PDE12: variants seen among roughly 807,000 people sequenced by gnomAD.
PDE12 encodes the protein 2',5'-phosphodiesterase 12.
A neutral mutation model predicts 45.4 loss-of-function variants in PDE12; 26 were observed. That is an observed-to-expected ratio of 0.57 (90% CI 0.42 to 0.79). PDE12 has a LOEUF of 0.79. PDE12 is among the 30% of genes least tolerant of loss of function. PDE12 has a pLI of 0.00. For synonymous variants in PDE12, 283 were observed against 323.9 expected (o/e 0.87, Z 1.36); for missense variants, 668 against 790.0 (o/e 0.85, Z 1.85).
chr3:57,644,787 T>G, the PDE12 span, among the ~76,000 whole-genome samples: 10 of 928 alleles, frequency 0.011, no homozygotes, highest in Non-Finnish European at 0.012. Flanking sequence ...AGGGGAGGGG[T>G]GGGGAGGGGA....
chr3:57,557,087 CCCGTCCAATG>C lies in PDE12; in HGVS notation c.712_721del (p.Ser238ThrfsTer4). The C allele has an allele frequency of 6.2e-7, 1 of 1,614,016 alleles. No individual in the cohort carries two copies. The highest frequency in any genetic ancestry group is 8.5e-7 in the Non-Finnish European group (1 of 1,180,008). On this transcript the variant is annotated frameshift_variant, in exon 1 of 3. Transcript: ENST00000311180. LOFTEE classifies it high-confidence loss of function. ...CTGATGTGGAGGAGCGTGTCTACAC[CCCGTCCAATG>C]CCGACATCGGGCTAAGGCTCAAGCT... is the stretch of plus-strand genomic sequence containing the variant.
At chr3:57,581,505 T>C in the PDE12 span, among the ~76,000 whole-genome samples, 1 of 152,158 alleles carries the variant, frequency 6.6e-6, no homozygotes, top group East Asian at 1.9e-4. Context: ...TATCTAACTC[T>C]TTCAAAATAT....
At position 57,560,294 on chromosome 3, in the gene PDE12, AT is replaced by A; in HGVS notation, c.*292del. 1 of 1,162,994 alleles carries A rather than the reference AT, an allele frequency of 8.6e-7. No individual in the cohort carries two copies. Among genetic ancestry groups the A allele is most frequent in the Non-Finnish European group, 1.1e-6 (1 of 942,284 alleles). The allele number at this position is 1,162,994 out of a possible 1,614,324, so 72.0% of individuals were successfully genotyped here. A position where few individuals can be genotyped will look rare whatever the true frequency, so the allele number is the denominator to read the frequency against. ...GAGACTCTCAGAAAAGGAAGATTGA[AT>A]TAGCGTGTTTTTTGTTTGTTTGTTT... On this transcript the variant is annotated 3_prime_UTR_variant, in exon 3 of 3. Transcript: ENST00000311180.
Position 57,564,616 on chromosome 3 carries a change from A to G in PDE12, c.*4612A>G, listed in dbSNP as rs1213026778. On this transcript the variant is annotated 3_prime_UTR_variant, in exon 3 of 3. Transcript: ENST00000311180. The stretch of plus-strand genomic sequence containing the variant: ...ATATTGAAGATGGTTCAGTAGGGGA[A>G]ATGGATAGGCTTTATTTAGTTGGCT... The G allele has an allele frequency of 1.3e-5, 2 of 152,166 alleles. No individual in the cohort carries two copies. Among genetic ancestry groups the G allele is most frequent in the African/African-American group, 4.8e-5 (2 of 41,432 alleles). The allele number at this position is 152,166 out of a possible 1,614,324, so 9.4% of individuals were successfully genotyped here. A position where few individuals can be genotyped will look rare whatever the true frequency, so the allele number is the denominator to read the frequency against.
At chr3:57,557,735 G>T (rs768191298) in intron 1 of PDE12, 48 bp downstream of exon 1, 11 of 1,527,658 alleles carry the variant, frequency 7.2e-6, no homozygotes, top group Non-Finnish European at 9.9e-6. Flanking sequence ...ACTTTTAGGG[G>T]CCAGGAAGGC....
At chr3:57,576,561 A>AAAATCC in the PDE12 span, among the ~76,000 whole-genome samples, 2 of 150,622 alleles carry the variant, frequency 1.3e-5, no homozygotes, top group Admixed American at 6.6e-5. Flanking sequence ...GACTCAGGCA[A>AAAATCC]AAATCCAACA....
the PDE12 span, among the ~76,000 whole-genome samples, chr3:57,593,546 GATATCAGCAAACTTTTTAAAAGTAAC>G: frequency 6.6e-6 from 1 of 152,164 alleles, no homozygotes; most frequent in Non-Finnish European, 1.5e-5. Context: ...ACACTACACT[GATATCAGCAAACTTTTTAAAAGTAAC>G]ACTTTTTCAG....
At position 57,566,744 on chromosome 3, in the gene PDE12, A is replaced by G. The variant is rs1353107221; in HGVS notation, c.*6740A>G. The stretch of plus-strand genomic sequence containing the variant: ...CTTTTCATGTGCTCGTTGGCCATCT[A>G]TATATCTCTGGAGAAATGTCTTTTG... On this transcript the variant is annotated 3_prime_UTR_variant, in exon 3 of 3. Transcript: ENST00000311180. 6.6e-6 allele frequency: 1 copy of G among 152,186 alleles called. No individual in the cohort carries two copies. Among genetic ancestry groups the G allele is most frequent in the African/African-American group, 2.4e-5 (1 of 41,444 alleles). 9.4% of individuals were successfully genotyped at this position (152,186 alleles called of 1,614,324 possible).
the PDE12 span, chr3:57,645,554 T>A: frequency 8.2e-6 from 6 of 729,578 alleles, no homozygotes; most frequent in Non-Finnish European, 1.3e-5. Context: ...CCTCAAACTT[T>A]CCTTTTATAA....
chr3:57,580,417 A>G, the PDE12 span, among the ~76,000 whole-genome samples: 3 of 151,988 alleles, frequency 2.0e-5, no homozygotes, highest in Non-Finnish European at 2.9e-5. Context: ...TTTTTTCAAA[A>G]AAGAGGCAAG....
downstream of PDE12, among the ~76,000 whole-genome samples, chr3:57,568,220 T>A (rs1232845169): frequency 2.0e-5 from 3 of 151,936 alleles, no homozygotes; most frequent in Non-Finnish European, 4.4e-5. Context: ...TCCCAGCACT[T>A]TGGGAGGCCT....
chr3:57,620,281 T>C, the PDE12 span, among the ~76,000 whole-genome samples: 1 of 151,796 alleles, frequency 6.6e-6, no homozygotes, highest in Admixed American at 6.6e-5. Flanking sequence ...CCGGACAAAG[T>C]GGTACATGTC....
Position 57,559,866 on chromosome 3 carries a change from C to T in PDE12, c.1692C>T (p.Phe564=), listed in dbSNP as rs754299919. The T allele has an allele frequency of 1.2e-6, 2 of 1,614,134 alleles. No individual in the cohort carries two copies. The highest frequency in any genetic ancestry group is 1.3e-5 in the African/African-American group (1 of 75,034). Residue 564 remains phenylalanine (F), a synonymous_variant, in exon 3 of 3, where the codon TTC becomes TTT. Coordinates refer to ENST00000311180, the MANE Select transcript of PDE12 (RefSeq NM_177966.7). ...GGFHGCLDYI[F]IDLNALEVEQ... is the part of the protein sequence containing the mutation. ...TTCATGGATGTCTAGATTACATTTT[C>T]ATTGACTTAAATGCTTTAGAGGTTG... is the stretch of plus-strand genomic sequence containing the variant.
chr3:57,600,646 G>A, the PDE12 span: 1 of 151,466 alleles, frequency 6.6e-6, no homozygotes, highest in Non-Finnish European at 1.5e-5. Context: ...GAGCTCAGGC[G>A]ATCTACTCGC....
chr3:57,614,531 T>TGTTTTGC, the PDE12 span, among the ~76,000 whole-genome samples: 1 of 118,462 alleles, frequency 8.4e-6, no homozygotes. Flanking sequence ...CCGTTTTTTT[T>TGTTTTGC]TTTTTGTTTT....
chr3:57,601,247 T>C, the PDE12 span, among the ~76,000 whole-genome samples: 1 of 152,068 alleles, frequency 6.6e-6, no homozygotes, highest in Non-Finnish European at 1.5e-5. Flanking sequence ...GTAGCTGGAA[T>C]TACAGGCACA....
At chr3:57,641,842 T>C in the PDE12 span, 2 of 983,668 alleles carry the variant, frequency 2.0e-6, no homozygotes, top group Admixed American at 2.4e-5. Context: ...CAATGAACAA[T>C]ACACAGATTG....
At chr3:57,641,118 C>T in the PDE12 span, among the ~76,000 whole-genome samples, 1 of 147,752 alleles carries the variant, frequency 6.8e-6, no homozygotes, top group Non-Finnish European at 1.5e-5. Flanking sequence ...TTTTATTGGG[C>T]TTCTATATAT....
At chr3:57,578,893 G>T in the PDE12 span, among the ~76,000 whole-genome samples, 9 of 151,710 alleles carry the variant, frequency 5.9e-5, no homozygotes, top group East Asian at 1.5e-3. Context: ...CTAGAAAAGG[G>T]GGGGGGCAAA....
Sources: allele counts gnomAD v4.1 joint callset (sites outside exome capture counted in the v4.1 genomes callset), GRCh38; gene constraint gnomAD v4.1.1; transcripts MANE v1.5; gene names NCBI Gene and HGNC (gene_info 2026-07-23, HGNC 2026-07-21).